LONRF2: variants seen among roughly 807,000 people sequenced by gnomAD.
The protein encoded by LONRF2 is LON peptidase N-terminal domain and ring finger 2, also known as LON peptidase N-terminal domain and RING finger protein 2.
In LONRF2, 35 loss-of-function variants were observed where a neutral mutation model predicts 66.6. The ratio of observed to expected loss-of-function variants is 0.53; its 90% CI spans 0.40 to 0.70. The LOEUF is 0.70. Among genes scored for constraint, LONRF2 ranks in the 30% least tolerant of loss-of-function variants. The probability of loss-of-function intolerance (pLI) is 0.00; values close to 1 mark genes in which losing one functional copy is unlikely to be tolerated. For missense variants in LONRF2, 902 were observed against 1,002.1 expected (o/e 0.90, Z 1.35); for synonymous variants, 417 against 418.1 (o/e 1.00, Z 0.03).
chr2:100,272,338 A>G lies in LONRF2; in HGVS notation c.*11960T>C, dbSNP rs1404980728. Among the ~76,000 whole-genome samples, 1 of 152,122 alleles carries G rather than the reference A, an allele frequency of 6.6e-6. No homozygotes were observed. Among genetic ancestry groups the G allele is most frequent in the East Asian group, 1.9e-4 (1 of 5,172 alleles). ...ACACAGCTAGACCTCGTCTCCATAG[A>G]AAGTAAAAAAATTAGCCGGGTATAG... On this transcript the variant is annotated 3_prime_UTR_variant, in exon 12 of 12. Coordinates refer to ENST00000393437, the MANE Select transcript of LONRF2 (RefSeq NM_198461.4).
intron 2 of LONRF2, among the ~76,000 whole-genome samples, chr2:100,307,341 A>G (rs1675319421): frequency 6.6e-6 from 1 of 152,190 alleles, no homozygotes; most frequent in African/African-American, 2.4e-5. Context: ...ATACCATCTC[A>G]AACACTAAAT....
intron 7 of LONRF2, among the ~76,000 whole-genome samples, chr2:100,296,883 T>C (rs925111086): frequency 6.6e-6 from 1 of 152,232 alleles, no homozygotes; most frequent in Non-Finnish European, 1.5e-5. Flanking sequence ...TGGTAGTGCA[T>C]GCAAAGTCAT....
chr2:100,301,793 T>C (rs1402488703), intron 3 of LONRF2, among the ~76,000 whole-genome samples: 5 of 152,286 alleles, frequency 3.3e-5, no homozygotes, highest in African/African-American at 2.4e-5. Flanking sequence ...CTCAGAAAAG[T>C]GTTATGAGAA....
At chr2:100,306,828 C>T (rs948297267) in intron 2 of LONRF2, among the ~76,000 whole-genome samples, 2 of 152,066 alleles carry the variant, frequency 1.3e-5, no homozygotes, top group African/African-American at 4.8e-5. Flanking sequence ...CTTCCAATGG[C>T]ACTTCTTCCC....
chr2:100,287,944 T>C (rs1012098737), intron 10 of LONRF2, among the ~76,000 whole-genome samples: 2 of 152,226 alleles, frequency 1.3e-5, no homozygotes, highest in Non-Finnish European at 2.9e-5. Context: ...AACTACGGTG[T>C]GCTGAGAAAT....
chr2:100,299,790 G>A lies in LONRF2; in HGVS notation c.1194C>T (p.Gly398=), dbSNP rs370304268. Residue 398 remains glycine (G), a synonymous_variant, in exon 5 of 12, where the codon GGC becomes GGT. Transcript: ENST00000393437. ...CGTCATCCGGAAACTGTCTCTTTAA[G>A]CCAGCGCTGGGTGCTGTTGGAAGGA... ...ESILPTAPSA[G]LKRQFPDDVE... is the part of the protein sequence containing the mutation. The A allele has an allele frequency of 2.2e-5, 35 of 1,613,924 alleles. No individual in the cohort carries two copies. The highest frequency in any genetic ancestry group is 2.7e-5 in the Non-Finnish European group (32 of 1,179,966).
At chr2:100,314,365 T>C (rs1051085470) in intron 1 of LONRF2, among the ~76,000 whole-genome samples, 1 of 152,258 alleles carries the variant, frequency 6.6e-6, no homozygotes. Flanking sequence ...GTCTTTTAGA[T>C]GTTAATTGCT....
intron 7 of LONRF2, among the ~76,000 whole-genome samples, chr2:100,297,470 A>T (rs1675094393): frequency 6.6e-6 from 1 of 152,180 alleles, no homozygotes; most frequent in Non-Finnish European, 1.5e-5. Flanking sequence ...ACCTCCAGCT[A>T]TCACTTCTTC....
chr2:100,284,353 G>T lies in LONRF2; in HGVS notation c.2210C>A (p.Thr737Lys). 1 of 1,592,732 alleles carries T rather than the reference G, an allele frequency of 6.3e-7. No individual in the cohort carries two copies. Among genetic ancestry groups the T allele is most frequent in the East Asian group, 2.3e-5 (1 of 44,260 alleles). The change falls in exon 12 of 12, where the codon ACG becomes AAG. Residue 737 changes from threonine to lysine, a missense_variant. By Grantham distance (78) the Thr-to-Lys change is moderately conservative. Transcript: ENST00000393437. ...CTCTTGCCGACTATTCATCTTACGC[G>T]TGATGATGACTAATATCCGTCGGAT... ...LAIRRILVIITRKMNSRQELA... is the reference protein window; with the variant it reads ...LAIRRILVIIKRKMNSRQELA...
rs1675651893 is a variant in LONRF2 at position 100,322,140 on chromosome 2, A to G, written c.-47T>C. The G allele has an allele frequency of 2.5e-6, 3 of 1,201,360 alleles. No individual in the cohort carries two copies. The highest frequency in any genetic ancestry group is 1.6e-5 in the African/African-American group (1 of 62,688). The allele number at this position is 1,201,360 out of a possible 1,614,324, so 74.4% of individuals were successfully genotyped here. ...CGGGTCCGGAGCGAAGGCGCGGAGC[A>G]GGGAGGATGCGCTGCTGCTGGGAAC... On this transcript the variant is annotated 5_prime_UTR_variant, in exon 1 of 12. Coordinates refer to ENST00000393437, the MANE Select transcript of LONRF2 (RefSeq NM_198461.4).
chr2:100,311,931 A>G (rs7425449), intron 1 of LONRF2, among the ~76,000 whole-genome samples: 64,501 of 152,032 alleles, frequency 0.42, 14,916 homozygotes, highest in East Asian at 0.71. Flanking sequence ...GCTGGACTCA[A>G]AATACTAAGA....
rs146551913 is a variant in LONRF2 at position 100,275,977 on chromosome 2, A to G, written c.*8321T>C. 222 of 152,352 alleles carry G rather than the reference A, an allele frequency of 1.5e-3. 2 individuals carry two copies. Among genetic ancestry groups the G allele is most frequent in the African/African-American group, 5.2e-3 (218 of 41,580 alleles). 9.4% of individuals were successfully genotyped at this position (152,352 alleles called of 1,614,324 possible). ...GCAGATAGGCTATTTTAACGCAAAT[A>G]TATAATAAATTGTACATGTATATGT... On this transcript the variant is annotated 3_prime_UTR_variant, in exon 12 of 12. Coordinates refer to ENST00000393437, the MANE Select transcript of LONRF2 (RefSeq NM_198461.4).
intron 4 of LONRF2, 39 bp downstream of exon 4, chr2:100,300,605 T>C: frequency 6.4e-7 from 1 of 1,571,744 alleles, no homozygotes; most frequent in African/African-American, 1.4e-5. Flanking sequence ...TATGTAAAGC[T>C]TAATCAAGAG....
chr2:100,309,185 T>C lies in LONRF2; in HGVS notation c.720A>G (p.Leu240=), dbSNP rs1675359993. Residue 240 remains leucine (L), a synonymous_variant, in exon 2 of 12, where the codon TTA becomes TTG. Transcript: ENST00000393437. ...DNSLLLLRAE[L]YLTMKNYEQA... ...GCTCATAGTTCTTCATGGTCAAATA[T>C]AACTCCGCCCGCAGCAGCAATAATG... 2 of 1,609,746 alleles carry C rather than the reference T, an allele frequency of 1.2e-6. No homozygotes were observed. Among genetic ancestry groups the C allele is most frequent in the Non-Finnish European group, 1.7e-6 (2 of 1,178,946 alleles).
rs375119174 is a variant in LONRF2 at position 100,311,905 on chromosome 2, T to C, written c.680-2680A>G. ...TCCTAGTATAAGCTCTTCTTGGTCTTAACTCCTATTACACTGCTGGACTCA... is the reference window on the plus strand; with the variant it reads ...TCCTAGTATAAGCTCTTCTTGGTCTCAACTCCTATTACACTGCTGGACTCA... On this transcript the variant is annotated intron_variant, in intron 1 of 11. Transcript: ENST00000393437. Among the ~76,000 whole-genome samples the C allele has an allele frequency of 2.9e-3, 444 of 152,296 alleles. 4 individuals carry two copies. The highest frequency in any genetic ancestry group is 0.021 in the South Asian group (101 of 4,828).
chr2:100,297,874 TG>T lies in LONRF2; in HGVS notation c.1476+961del, dbSNP rs577607328. Among the ~76,000 whole-genome samples the T allele has an allele frequency of 1.4e-4, 21 of 152,366 alleles. No homozygotes were observed. In the East Asian group the frequency reaches 4.0e-3, roughly 29 times the overall value. On this transcript the variant is annotated intron_variant, in intron 7 of 11. Coordinates refer to ENST00000393437, the MANE Select transcript of LONRF2 (RefSeq NM_198461.4). ...TTTCAATTGTAACTAGTTATTTTAATGTTTTGGCAGTAAATTTTAAAGGTTA... is the reference window on the plus strand; with the variant it reads ...TTTCAATTGTAACTAGTTATTTTAATTTTTGGCAGTAAATTTTAAAGGTTA...
intron 8 of LONRF2, 97 bp from the exon 9 acceptor site, chr2:100,294,484 T>A (rs1478194113): frequency 1.0e-5 from 12 of 1,146,804 alleles, no homozygotes; most frequent in Non-Finnish European, 1.4e-5. Context: ...CAACCTCAGT[T>A]CTCCCCTCTA....
intron 1 of LONRF2, among the ~76,000 whole-genome samples, chr2:100,319,846 T>C (rs1675585277): frequency 6.6e-6 from 1 of 152,232 alleles, no homozygotes; most frequent in Non-Finnish European, 1.5e-5. Context: ...CATATGCATA[T>C]ACCTCTTTGA....
At chr2:100,289,599 T>C (rs12612755) in intron 10 of LONRF2, among the ~76,000 whole-genome samples, 73,007 of 151,464 alleles carry the variant, frequency 0.48, 17,921 homozygotes, top group African/African-American at 0.55. Context: ...CCACACATGG[T>C]TAATTTTTTT....
Sources: gnomAD v4.1 joint callset for allele counts (sites outside exome capture counted in the v4.1 genomes callset) on GRCh38, gnomAD v4.1.1 for gene constraint, MANE v1.5 for transcripts, NCBI Gene and HGNC (gene_info 2026-07-23, HGNC 2026-07-21) for gene names.